MTCL2: variants seen among roughly 807,000 people sequenced by gnomAD.
The protein encoded by MTCL2 is microtubule cross-linking factor 2.
At chr20:36,843,338 C>T in the MTCL2 span, among the ~76,000 whole-genome samples, 4 of 152,192 alleles carry the variant, frequency 2.6e-5, no homozygotes, top group African/African-American at 9.7e-5. Context: ...TTAGGGAGCC[C>T]TGCCCTCCAG....
At chr20:36,806,970 C>T in the MTCL2 span, among the ~76,000 whole-genome samples, 5 of 152,190 alleles carry the variant, frequency 3.3e-5, no homozygotes, top group African/African-American at 7.2e-5. Context: ...GTGTGGCCTG[C>T]AGGTCATTCC....
the MTCL2 span, chr20:36,815,076 A>C: frequency 6.6e-7 from 1 of 1,504,384 alleles, no homozygotes; most frequent in South Asian, 1.4e-5. This position sits in a 1 kb window ranked among gnomAD's most constrained non-coding sequence, Gnocchi z 5.3. Flanking sequence ...AAAACAAAAC[A>C]AAACAAAGGA....
At chr20:36,811,231 A>G in the MTCL2 span, among the ~76,000 whole-genome samples, 3 of 152,234 alleles carry the variant, frequency 2.0e-5, no homozygotes, top group African/African-American at 7.2e-5. Flanking sequence ...TCAGTGGTCA[A>G]CAGCACTGGG....
At chr20:36,786,129 C>T in the MTCL2 span, 6 of 997,210 alleles carry the variant, frequency 6.0e-6, no homozygotes, top group Non-Finnish European at 7.2e-6. Context: ...AGACATGTAT[C>T]CTTCTTGGGC....
the MTCL2 span, chr20:36,828,994 G>T: frequency 6.8e-7 from 1 of 1,462,964 alleles, no homozygotes. Flanking sequence ...ACTGGCTTGG[G>T]GGGGCTTGCA....
chr20:36,857,458 C>T, the MTCL2 span, among the ~76,000 whole-genome samples: 1 of 152,250 alleles, frequency 6.6e-6, no homozygotes, highest in Admixed American at 6.5e-5. Flanking sequence ...CAGCGAGTCA[C>T]TGGATGGGTC....
the MTCL2 span, among the ~76,000 whole-genome samples, chr20:36,862,165 G>A: frequency 6.6e-6 from 1 of 152,238 alleles, no homozygotes; most frequent in African/African-American, 2.4e-5. Context: ...CGCCCAGAAA[G>A]GCAGGCAGAG....
chr20:36,833,254 T>C, the MTCL2 span, among the ~76,000 whole-genome samples: 1 of 152,242 alleles, frequency 6.6e-6, no homozygotes, highest in Non-Finnish European at 1.5e-5. Context: ...GTGGGCTTAC[T>C]GTGTCAGGCA....
chr20:36,785,767 T>C, the MTCL2 span: 18 of 985,336 alleles, frequency 1.8e-5, no homozygotes, highest in Non-Finnish European at 1.9e-5. Flanking sequence ...AGGAAGGCAA[T>C]TGCAATCACT....
the MTCL2 span, among the ~76,000 whole-genome samples, chr20:36,851,914 G>A: frequency 2.6e-5 from 4 of 152,124 alleles, no homozygotes; most frequent in South Asian, 2.1e-4. Context: ...TCTAGTCAGC[G>A]CTCCTGTGTT....
chr20:36,788,373 C>T, the MTCL2 span, among the ~76,000 whole-genome samples: 101 of 151,586 alleles, frequency 6.7e-4, no homozygotes, highest in African/African-American at 2.3e-3. Flanking sequence ...TAAAATGGCC[C>T]GGGCGCGGTG....
At chr20:36,859,501 C>G in the MTCL2 span, 122 of 978,690 alleles carry the variant, frequency 1.2e-4, 1 homozygote, top group Admixed American at 1.7e-4. Context: ...TCCACAAACC[C>G]TCTATCTTTA....
At chr20:36,787,105 C>A in the MTCL2 span, among the ~76,000 whole-genome samples, 1 of 151,884 alleles carries the variant, frequency 6.6e-6, no homozygotes, top group African/African-American at 2.4e-5. Context: ...GGAATTAGCA[C>A]CTTTGGGTGC....
At chr20:36,807,057 G>A in the MTCL2 span, among the ~76,000 whole-genome samples, 5 of 152,168 alleles carry the variant, frequency 3.3e-5, no homozygotes, top group South Asian at 1.0e-3. Flanking sequence ...AAACGTCACA[G>A]AAGAGACAGC....
chr20:36,854,812 G>C, the MTCL2 span, among the ~76,000 whole-genome samples: 1 of 152,188 alleles, frequency 6.6e-6, no homozygotes, highest in East Asian at 1.9e-4. Context: ...ACCTCCATTT[G>C]AGAATGAGGG....
the MTCL2 span, chr20:36,804,827 G>A: frequency 2.5e-6 from 4 of 1,613,848 alleles, no homozygotes; most frequent in South Asian, 1.1e-5. Flanking sequence ...AGACCACGGC[G>A]TTCATCCCGG....
chr20:36,856,638 C>A, the MTCL2 span, among the ~76,000 whole-genome samples: 20 of 152,200 alleles, frequency 1.3e-4, no homozygotes, highest in African/African-American at 4.8e-4. Flanking sequence ...CCACCCCCAT[C>A]CACCCACCAC....
the MTCL2 span, among the ~76,000 whole-genome samples, chr20:36,827,661 G>A: frequency 6.6e-6 from 1 of 152,070 alleles, no homozygotes; most frequent in Non-Finnish European, 1.5e-5. Flanking sequence ...TTATCCTGAT[G>A]TCACAGATAA....
the MTCL2 span, among the ~76,000 whole-genome samples, chr20:36,825,189 C>T: frequency 1.3e-5 from 2 of 151,956 alleles, no homozygotes; most frequent in East Asian, 3.9e-4. Flanking sequence ...GTGATCCACC[C>T]GCCTTGGCCT....
Sources: gnomAD v4.1 joint callset for allele counts (sites outside exome capture counted in the v4.1 genomes callset) on GRCh38, gnomAD v4.1.1 for gene constraint, Gnocchi (gnomAD v3.1) non-coding constraint, MANE v1.5 for transcripts, NCBI Gene and HGNC (gene_info 2026-07-23, HGNC 2026-07-21) for gene names.